Variants in PASK observed in about 807,000 individuals in gnomAD.
PASK encodes PAS domain-containing serine/threonine-protein kinase.
A neutral mutation model predicts 121.0 loss-of-function variants in PASK; 110 were observed. That is an observed-to-expected ratio of 0.91 (90% CI 0.78 to 1.06). The LOEUF is 1.06. Among genes scored for constraint, PASK ranks in the 50% least tolerant of loss-of-function variants. PASK has a pLI of 0.00. For missense variants in PASK, 1,643 were observed against 1,702.3 expected, an observed-to-expected ratio of 0.97 and a Z score of 0.61; for synonymous variants, 686 against 717.8, an observed-to-expected ratio of 0.96 and a Z score of 0.71.
upstream of PASK, chr2:241,149,675 G>A (rs1212092215): frequency 5.8e-6 from 9 of 1,547,574 alleles, no homozygotes; most frequent in Non-Finnish European, 7.0e-6. Context: ...GGGCCGGGCA[G>A]ATGCGGTTTC....
At chr2:241,137,813 G>T in intron 6 of PASK, 140 bp downstream of exon 6, 1 of 880,228 alleles carries the variant, frequency 1.1e-6, no homozygotes, top group Non-Finnish European at 1.9e-6. Context: ...AGGCCTCAGC[G>T]CACAGGAAGC....
At chr2:241,107,625 C>T (rs887633776) in intron 16 of PASK, 126 bp from the exon 17 acceptor site, 3 of 850,356 alleles carry the variant, frequency 3.5e-6, no homozygotes, top group Admixed American at 1.8e-5. Context: ...CCAGGAACCT[C>T]TAGTGCAGGG....
intron 2 of PASK, 152 bp downstream of exon 2, chr2:241,142,685 T>C: frequency 1.5e-6 from 1 of 676,348 alleles, no homozygotes. Flanking sequence ...CGGAGTCATC[T>C]GCCAGCATGA....
chr2:241,141,043 G>T (rs2066677111), intron 2 of PASK, among the ~76,000 whole-genome samples: 2 of 152,184 alleles, frequency 1.3e-5, no homozygotes, highest in African/African-American at 4.8e-5. Context: ...TCTTTGGAAG[G>T]CTGAGGCAGG....
At position 241,126,574 on chromosome 2, in the gene PASK, C is replaced by A. The variant is rs543135540; in HGVS notation, c.2341G>T (p.Val781Leu). 6.2e-7 allele frequency: 1 copy of A among 1,614,256 alleles called. No homozygotes were observed. The highest frequency in any genetic ancestry group is 1.7e-5 in the Admixed American group (1 of 60,034). ...SSLAVGSDPD[V>L]GSLQEQGSCV... Reference sequence around the variant, plus strand: ...GACCCCTGTTCCTGGAGACTGCCTACATCTGGATCGGAGCCCACTGCCAAG... The same window carrying A: ...GACCCCTGTTCCTGGAGACTGCCTAAATCTGGATCGGAGCCCACTGCCAAG... The change falls in exon 10 of 18, where the codon GTA becomes TTA. Residue 781 changes from valine (V) to leucine (L), a missense_variant. By Grantham distance (32) the Val-to-Leu change is conservative. Transcript: ENST00000234040.
chr2:241,110,679 G>T (rs1575223322), intron 15 of PASK, among the ~76,000 whole-genome samples: 1 of 152,164 alleles, frequency 6.6e-6, no homozygotes. Context: ...TTCACGGCCT[G>T]GGTACAGGAA....
Position 241,107,910 on chromosome 2 carries a change from G to A in PASK, c.3667+257C>T, listed in dbSNP as rs528781999. Among the ~76,000 whole-genome samples the A allele has an allele frequency of 6.6e-5, 10 of 152,238 alleles. No homozygotes were observed. The East Asian group carries it at 1.4e-3, about 21-fold the overall frequency. On this transcript the variant is annotated intron_variant, in intron 16 of 17. Coordinates refer to ENST00000234040, the MANE Select transcript of PASK (RefSeq NM_015148.4). ...ACCATGTAGGCACCAAGTCAACAGG[G>A]CCACTTGGAGCCTCCCTGTCCTGAC...
At chr2:241,140,459 G>C in intron 3 of PASK, 62 bp downstream of exon 3, 1 of 1,207,620 alleles carries the variant, frequency 8.3e-7, no homozygotes, top group East Asian at 2.5e-5. Context: ...ACAAATCCCA[G>C]GTTTAAGGCA....
chr2:241,137,755 G>A (rs2066507379), intron 6 of PASK, among the ~76,000 whole-genome samples, 198 bp downstream of exon 6: 1 of 152,228 alleles, frequency 6.6e-6, no homozygotes, highest in South Asian at 2.1e-4. Context: ...AGACTCAGGG[G>A]ACAAGAGTGG....
Position 241,124,084 on chromosome 2 carries a change from C to T in PASK, c.2769G>A (p.Leu923=). The T allele has an allele frequency of 6.2e-7, 1 of 1,613,742 alleles. No homozygotes were observed. The highest frequency in any genetic ancestry group is 1.7e-5 in the Admixed American group (1 of 60,008). The part of the protein sequence containing the change: ...RRVELQGPTP[L]FCCWLVKDLL... Reference sequence around the variant, plus strand: ...GGTCTTTCACCAGCCAGCAGCAGAACAGAGGTGTGGGGCCCTGGAGCTCCA... The same window carrying T: ...GGTCTTTCACCAGCCAGCAGCAGAATAGAGGTGTGGGGCCCTGGAGCTCCA... The change falls in exon 11 of 18, where the codon CTG becomes CTA. Residue 923 remains leucine (L), a synonymous_variant. Transcript: ENST00000234040.
chr2:241,149,695 C>A (rs3806600), upstream of PASK: 11,723 of 1,550,920 alleles, frequency 7.6e-3, 392 homozygotes, highest in East Asian at 0.095. Context: ...CCTCCCGACT[C>A]GCGATCAAAA....
At position 241,111,755 on chromosome 2, in the gene PASK, T is replaced by C. The variant is rs114823285; in HGVS notation, c.3533+485A>G. On this transcript the variant is annotated intron_variant, in intron 15 of 17. Coordinates refer to ENST00000234040, the MANE Select transcript of PASK (RefSeq NM_015148.4). ...GCTCAGCTGGCCCACTCCAGTGACA[T>C]GGAGTCTGGCTGGTCAGCGACAGCC... Among the ~76,000 whole-genome samples the C allele has an allele frequency of 6.6e-3, 1,002 of 152,310 alleles. 10 individuals carry two copies. Among genetic ancestry groups the C allele is most frequent in the African/African-American group, 0.022 (901 of 41,552 alleles).
At chr2:241,149,492 A>T, upstream of PASK, 1 of 670,920 alleles carries the variant, frequency 1.5e-6, no homozygotes, top group Non-Finnish European at 2.5e-6. Context: ...CCACCGACCA[A>T]TCGCACAGCG....
intron 12 of PASK, among the ~76,000 whole-genome samples, chr2:241,121,428 C>T (rs1441845054): frequency 6.6e-6 from 1 of 151,978 alleles, no homozygotes; most frequent in Non-Finnish European, 1.5e-5. Flanking sequence ...ATATAGTCAA[C>T]AGAAAGTAGG....
At chr2:241,148,095 G>A (rs2067057801) in intron 1 of PASK, among the ~76,000 whole-genome samples, 1 of 152,080 alleles carries the variant, frequency 6.6e-6, no homozygotes, top group South Asian at 2.1e-4. Context: ...GCACGTCCAG[G>A]CCCAAATTTT....
At chr2:241,129,300 T>C (rs1432048541) in intron 9 of PASK, among the ~76,000 whole-genome samples, 2 of 152,196 alleles carry the variant, frequency 1.3e-5, no homozygotes, top group Non-Finnish European at 2.9e-5. Context: ...AGCGGGCTGC[T>C]GCAGCCTCAG....
chr2:241,133,342 T>C lies in PASK; in HGVS notation c.1307-312A>G, dbSNP rs1169180578. The C allele has an allele frequency of 3.5e-5, 15 of 422,764 alleles. 1 individual carries two copies. Among genetic ancestry groups the C allele is most frequent in the Non-Finnish European group, 6.7e-5 (15 of 224,400 alleles). The allele number at this position is 422,764 out of a possible 1,614,324, so 26.2% of individuals were successfully genotyped here. ...TGGATAGAAGCCGAAGTCTCGGCCA[T>C]GGCCCCCCAACTCTGTGGCCTCACT... On this transcript the variant is annotated intron_variant, in intron 8 of 17. Coordinates refer to ENST00000234040, the MANE Select transcript of PASK (RefSeq NM_015148.4).
chr2:241,138,201 G>A (rs903366165), intron 5 of PASK, 114 bp from the exon 6 acceptor site: 40 of 1,051,622 alleles, frequency 3.8e-5, no homozygotes, highest in South Asian at 8.1e-5. Flanking sequence ...CTTCTCCATC[G>A]GAAGGGCAAG....
chr2:241,137,354 A>C (rs1056147332), intron 6 of PASK, 90 bp from the exon 7 acceptor site: 2 of 1,025,306 alleles, frequency 2.0e-6, no homozygotes, highest in African/African-American at 1.6e-5. Context: ...CTTCTACCCC[A>C]CGTCATCGGG....
Sources: gnomAD v4.1 joint callset for allele counts (sites outside exome capture counted in the v4.1 genomes callset) on GRCh38, gnomAD v4.1.1 for gene constraint, MANE v1.5 for transcripts, NCBI Gene and HGNC (gene_info 2026-07-23, HGNC 2026-07-21) for gene names.